MAN2A1: variants seen among roughly 807,000 people sequenced by gnomAD.
The protein encoded by MAN2A1 is alpha-mannosidase 2.
In MAN2A1, 76 loss-of-function variants were observed where a neutral mutation model predicts 142.6. The ratio of observed to expected loss-of-function variants is 0.53; its 90% CI spans 0.44 to 0.65. The LOEUF (loss-of-function observed/expected upper bound fraction) is 0.65. Ranked by LOEUF, MAN2A1 falls within the 30% of genes least tolerant of loss-of-function variation. MAN2A1 has a pLI of 0.00. For synonymous variants in MAN2A1, 559 were observed against 473.2 expected (o/e 1.18, Z -2.35); for missense variants, 1,311 against 1,365.1 (o/e 0.96, Z 0.62).
At chr5:109,719,606 G>A (rs1034615035) in intron 3 of MAN2A1, among the ~76,000 whole-genome samples, 1 of 152,048 alleles carries the variant, frequency 6.6e-6, no homozygotes, top group Admixed American at 6.6e-5. Context: ...ATTTTCTGCA[G>A]CAACAATTTA....
chr5:109,722,986 T>C (rs1039307024), intron 3 of MAN2A1, among the ~76,000 whole-genome samples: 1 of 152,142 alleles, frequency 6.6e-6, no homozygotes, highest in African/African-American at 2.4e-5. Flanking sequence ...GGGGAGGAGC[T>C]TTAGCACAGA....
At chr5:109,788,181 C>T (rs2112676844) in intron 10 of MAN2A1, among the ~76,000 whole-genome samples, 1 of 149,508 alleles carries the variant, frequency 6.7e-6, no homozygotes, top group South Asian at 2.1e-4. Context: ...CTATGGATGC[C>T]TGGTCTGTAG....
At chr5:109,699,458 G>T (rs750734121) in intron 1 of MAN2A1, 10 of 152,112 alleles carry the variant, frequency 6.6e-5, no homozygotes, top group Non-Finnish European at 1.0e-4. Flanking sequence ...ATTGCAAAGA[G>T]TAGATTTTAA....
At chr5:109,775,007 C>T in intron 8 of MAN2A1, 42 bp downstream of exon 8, 2 of 1,363,436 alleles carry the variant, frequency 1.5e-6, no homozygotes, top group South Asian at 1.3e-5. Flanking sequence ...GAAATTGAAC[C>T]TTTATTATTA....
intron 5 of MAN2A1, among the ~76,000 whole-genome samples, chr5:109,763,674 T>C (rs1185326910): frequency 6.6e-6 from 1 of 152,176 alleles, no homozygotes; most frequent in African/African-American, 2.4e-5. Flanking sequence ...TGGTTTTGTT[T>C]TCTAAAGAAT....
chr5:109,838,057 A>AT (rs1343255576), intron 16 of MAN2A1, among the ~76,000 whole-genome samples: 6 of 150,050 alleles, frequency 4.0e-5, no homozygotes, highest in Non-Finnish European at 7.4e-5. Context: ...CTGTAGGGAG[A>AT]TTAAAAAAAA....
intron 3 of MAN2A1, among the ~76,000 whole-genome samples, chr5:109,726,289 A>C (rs901671334): frequency 1.3e-5 from 2 of 152,182 alleles, no homozygotes; most frequent in Admixed American, 6.5e-5. Context: ...GTTAATATAC[A>C]ATTGTAGTTT....
chr5:109,806,600 C>T (rs1233351450), intron 12 of MAN2A1, among the ~76,000 whole-genome samples: 1 of 152,138 alleles, frequency 6.6e-6, no homozygotes, highest in African/African-American at 2.4e-5. Flanking sequence ...ATAGAGCTTT[C>T]TAGAATATTT....
chr5:109,739,776 C>T (rs1752214364), intron 4 of MAN2A1, among the ~76,000 whole-genome samples: 1 of 152,280 alleles, frequency 6.6e-6, no homozygotes, highest in South Asian at 2.1e-4. Context: ...ATCCACTTCA[C>T]CTGATTTCCT....
chr5:109,828,573 T>C (rs564291224), intron 16 of MAN2A1, among the ~76,000 whole-genome samples: 1 of 152,250 alleles, frequency 6.6e-6, no homozygotes, highest in East Asian at 1.9e-4. Context: ...TTTGAAGAAT[T>C]AGGTCACTGT....
At chr5:109,766,897 G>C (rs918815278) in intron 5 of MAN2A1, among the ~76,000 whole-genome samples, 3 of 151,976 alleles carry the variant, frequency 2.0e-5, no homozygotes, top group Non-Finnish European at 2.9e-5. Flanking sequence ...TCTTTAGTCA[G>C]TAGTTCACAT....
chr5:109,843,451 G>C (rs544322577), intron 17 of MAN2A1, among the ~76,000 whole-genome samples: 2 of 152,184 alleles, frequency 1.3e-5, no homozygotes, highest in Admixed American at 1.3e-4. Context: ...GATTTGGGTG[G>C]GGATACAAAG....
chr5:109,763,697 A>G (rs1327904104), intron 5 of MAN2A1, among the ~76,000 whole-genome samples: 2 of 151,350 alleles, frequency 1.3e-5, no homozygotes, highest in Non-Finnish European at 2.9e-5. Flanking sequence ...AGGACATGTT[A>G]TTTTGGAGAC....
At chr5:109,710,979 C>T (rs915267645) in intron 1 of MAN2A1, among the ~76,000 whole-genome samples, 2 of 152,146 alleles carry the variant, frequency 1.3e-5, no homozygotes, top group African/African-American at 2.4e-5. Flanking sequence ...CGTGAGCCAC[C>T]GCGCTCAGCC....
Position 109,774,792 on chromosome 5 carries a change from CG to C in MAN2A1, c.1203del (p.Met402CysfsTer3). The C allele has an allele frequency of 6.3e-7, 1 of 1,598,294 alleles. No homozygotes were observed. Among genetic ancestry groups the C allele is most frequent in the Non-Finnish European group, 8.5e-7 (1 of 1,175,012 alleles). ...TTGTGTTTGTTTTTTTTGTAGGGCT[CG>C]GATGCTACTAGATCAGTACCGAAAG... is the stretch of plus-strand genomic sequence containing the variant. ...IHPGNVQSRA[R>X]MLLDQYRKKS... On this transcript the variant is annotated frameshift_variant, in exon 8 of 22. Coordinates refer to ENST00000261483, the MANE Select transcript of MAN2A1 (RefSeq NM_002372.4). LOFTEE classifies it high-confidence loss of function.
intron 4 of MAN2A1, among the ~76,000 whole-genome samples, chr5:109,732,213 GT>G (rs1162908914): frequency 6.7e-6 from 1 of 149,730 alleles, no homozygotes; most frequent in Non-Finnish European, 1.5e-5. Flanking sequence ...GGGGTTGTTT[GT>G]TTTTTTCTTG....
At chr5:109,797,164 C>G (rs137938524) in intron 12 of MAN2A1, among the ~76,000 whole-genome samples, 255 of 152,114 alleles carry the variant, frequency 1.7e-3, no homozygotes, top group Admixed American at 2.8e-3. Context: ...TGAAAAAGCT[C>G]TACAGACTGA....
At chr5:109,849,657 T>A (rs1219087513) in intron 19 of MAN2A1, among the ~76,000 whole-genome samples, 2 of 152,206 alleles carry the variant, frequency 1.3e-5, no homozygotes, top group Non-Finnish European at 2.9e-5. Flanking sequence ...ATCCACCCTG[T>A]TCTCTTTCTG....
chr5:109,762,433 A>G (rs568741647), intron 5 of MAN2A1, among the ~76,000 whole-genome samples: 237 of 152,258 alleles, frequency 1.6e-3, no homozygotes, highest in South Asian at 5.6e-3. Context: ...GCACACATAC[A>G]TACATTTTGG....
Sources: gnomAD v4.1 joint callset for allele counts (sites outside exome capture counted in the v4.1 genomes callset) on GRCh38, gnomAD v4.1.1 for gene constraint, MANE v1.5 for transcripts, NCBI Gene and HGNC (gene_info 2026-07-23, HGNC 2026-07-21) for gene names.